PSG7: variants seen among roughly 807,000 people sequenced by gnomAD.
The protein encoded by PSG7 is pregnancy-specific beta-1-glycoprotein 7.
PSG7 carries 57 observed loss-of-function variants against 45.6 expected under a neutral mutation model. The observed-to-expected ratio is 1.25, with a 90% CI of 1.01 to 1.56. PSG7 has a LOEUF of 1.56. PSG7 is among the 40% of genes most tolerant of loss of function. The probability of loss-of-function intolerance (pLI) is 0.00; values close to 1 mark genes in which losing one functional copy is unlikely to be tolerated. For synonymous variants in PSG7, 298 were observed against 194.4 expected, an observed-to-expected ratio of 1.53 and a Z score of -4.43; for missense variants, 796 against 508.4, an observed-to-expected ratio of 1.57 and a Z score of -5.44.
intron 2 of PSG7, among the ~76,000 whole-genome samples, chr19:42,933,307 A>ATATATATATATTTTTTTT (rs56691588): frequency 1.5e-4 from 2 of 13,504 alleles, no homozygotes; most frequent in African/African-American, 1.7e-4. Flanking sequence ...ATATATATAT[A>ATATATATATATTTTTTTT]TTTTTTTTTT....
intron 2 of PSG7, among the ~76,000 whole-genome samples, chr19:42,934,653 C>T (rs1456692850): frequency 6.6e-6 from 1 of 151,712 alleles, no homozygotes; most frequent in Non-Finnish European, 1.5e-5. Context: ...TGAGAAAGCA[C>T]CTTTACGTCA....
chr19:42,924,745 C>G lies in PSG7; in HGVS notation c.*63G>C, dbSNP rs770143891. On this transcript the variant is annotated 3_prime_UTR_variant, in exon 6 of 6. Coordinates refer to ENST00000406070, the MANE Select transcript of PSG7 (RefSeq NM_002783.3). ...ACTCTGACTTATAGGGCTTCTGGAA[C>G]AGAGTGGGTCTTGCTCTTTGAGGTT... The G allele has an allele frequency of 5.2e-6, 4 of 767,800 alleles. No individual in the cohort carries two copies. Among genetic ancestry groups the G allele is most frequent in the Non-Finnish European group, 9.6e-6 (4 of 417,488 alleles). The allele number at this position is 767,800 out of a possible 1,614,324, so 47.6% of individuals were successfully genotyped here. A position where few individuals can be genotyped will look rare whatever the true frequency, so the allele number is the denominator to read the frequency against.
In PSG7 at chr19:42,931,654, C is replaced by T. The variant is rs1390246759; in HGVS notation, c.431-1934G>A. Among the ~76,000 whole-genome samples the T allele has an allele frequency of 1.3e-5, 2 of 151,298 alleles. 1 individual carries two copies. Among genetic ancestry groups the T allele is most frequent in the Non-Finnish European group, 2.9e-5 (2 of 67,856 alleles). On this transcript the variant is annotated intron_variant, in intron 2 of 5. Coordinates refer to ENST00000406070, the MANE Select transcript of PSG7 (RefSeq NM_002783.3). ...TGGCAATGGCTCGTGTGTCTCCCCA[C>T]ACGAAGAACTCCAACTTATGAAAAC...
intron 5 of PSG7, 101 bp downstream of exon 5, chr19:42,925,672 G>A (rs1600560763): frequency 6.3e-7 from 1 of 1,591,816 alleles, no homozygotes; most frequent in Non-Finnish European, 8.6e-7. Context: ...TTGTGCCCAT[G>A]GGACACAGGC....
At position 42,925,906 on chromosome 19, in the gene PSG7, C is replaced by T; in HGVS notation, c.1110G>A (p.Gly370=). 1 of 1,612,138 alleles carries T rather than the reference C, an allele frequency of 6.2e-7. No individual in the cohort carries two copies. The highest frequency in any genetic ancestry group is 8.5e-7 in the Non-Finnish European group (1 of 1,179,138). The change falls in exon 5 of 6, where the codon GGG becomes GGA. Residue 370 remains glycine (G), a synonymous_variant. Transcript: ENST00000406070. ...PPAQYSWTIN[G]KFQLSGQKLS... Reference sequence around the variant, plus strand: ...GCTTTTGTCCTGATAGCTGAAACTTCCCATTAATTGTCCAAGAATACTGTG... The same window carrying T: ...GCTTTTGTCCTGATAGCTGAAACTTTCCATTAATTGTCCAAGAATACTGTG...
At chr19:42,925,670 A>G (rs1394864866) in intron 5 of PSG7, 103 bp downstream of exon 5, 7 of 1,591,612 alleles carry the variant, frequency 4.4e-6, no homozygotes, top group Admixed American at 1.7e-5. Context: ...GCTTGTGCCC[A>G]TGGGACACAG....
intron 3 of PSG7, among the ~76,000 whole-genome samples, chr19:42,928,529 A>T (rs1443946151): frequency 6.6e-6 from 1 of 151,560 alleles, no homozygotes; most frequent in Non-Finnish European, 1.5e-5. Context: ...AAAATATTTT[A>T]TTCCTTTTGA....
At chr19:42,925,516 T>G in intron 5 of PSG7, 1 of 966,762 alleles carries the variant, frequency 1.0e-6, no homozygotes, top group Non-Finnish European at 1.5e-6. Context: ...AACATTATCC[T>G]CATTATTATC....
Position 42,935,721 on chromosome 19 carries a change from A to G in PSG7, c.113T>C (p.Ile38Thr), listed in dbSNP as rs376569971. 160 of 1,611,890 alleles carry G rather than the reference A, an allele frequency of 9.9e-5. 3 individuals carry two copies. Among genetic ancestry groups the G allele is most frequent in the Middle Eastern group, 8.3e-4 (5 of 6,054 alleles). ...WNPPTTAQVT[I>T]EAQPPKVSEG... is the part of the protein sequence containing the mutation. ...GGAAACTTTTGGTGGCTGGGCTTCA[A>G]TCGTGACTTGGGCTGTGGTGGGCGG... is the stretch of plus-strand genomic sequence containing the variant. Residue 38 changes from isoleucine (I) to threonine (T), a missense_variant, in exon 2 of 6, where the codon ATT becomes ACT. Ile to Thr is a moderately conservative substitution (Grantham distance 89). Coordinates refer to ENST00000406070, the MANE Select transcript of PSG7 (RefSeq NM_002783.3).
chr19:42,936,987 C>G, intron 1 of PSG7, 26 bp downstream of exon 1: 1 of 1,609,088 alleles, frequency 6.2e-7, no homozygotes, highest in Non-Finnish European at 8.5e-7. Context: ...CTTTTCCTGT[C>G]CTCTCCCAGG....
At position 42,935,785 on chromosome 19, in the gene PSG7, A is replaced by C; in HGVS notation, c.65-16T>G. 1 of 1,601,284 alleles carries C rather than the reference A, an allele frequency of 6.2e-7. No individual in the cohort carries two copies. The highest frequency in any genetic ancestry group is 1.1e-5 in the South Asian group (1 of 88,600). ...AAAAGTGATGCTAGGAGGTGGAGAG[A>C]GCATCAGTCAATATTGAGACCTATG... On this transcript the variant is annotated splice_polypyrimidine_tract_variant and intron_variant, in intron 1 of 5. Coordinates refer to ENST00000406070, the MANE Select transcript of PSG7 (RefSeq NM_002783.3).
In PSG7 at chr19:42,926,692, G is replaced by A. The variant is rs144994700; in HGVS notation, c.734C>T (p.Thr245Ile). ...LLPKLPKPYITINNLNPRENK... is the reference protein window; with the variant it reads ...LLPKLPKPYIIINNLNPRENK... ...CTCCCTGGGGTTTAAGTTATTGATG[G>A]TGATGTAGGGCTTGGGCAGCTTCGC... is the stretch of plus-strand genomic sequence containing the variant. Residue 245 changes from threonine (T) to isoleucine (I), a missense_variant, in exon 4 of 6, where the codon ACC becomes ATC. By Grantham distance (89) the Thr-to-Ile change is moderately conservative. Coordinates refer to ENST00000406070, the MANE Select transcript of PSG7 (RefSeq NM_002783.3). The A allele has an allele frequency of 7.4e-4, 1,193 of 1,610,380 alleles. 28 individuals carry two copies. The African/African-American group carries it at 0.014, about 19-fold the overall frequency.
intron 2 of PSG7, among the ~76,000 whole-genome samples, chr19:42,932,751 G>A (rs1413190393): frequency 6.6e-6 from 1 of 151,468 alleles, no homozygotes; most frequent in Admixed American, 6.6e-5. Flanking sequence ...CCCTTACTTT[G>A]CCCAGGGACT....
chr19:42,925,592 GC>G, intron 5 of PSG7, 180 bp downstream of exon 5: 1 of 1,406,702 alleles, frequency 7.1e-7, no homozygotes. Flanking sequence ...GAAGATATCA[GC>G]CTGTTTGTTA....
intron 3 of PSG7, chr19:42,927,058 G>C: frequency 2.7e-6 from 1 of 368,174 alleles, no homozygotes; most frequent in Non-Finnish European, 4.9e-6. Context: ...TCATTACCTG[G>C]AATGTGCAAC....
At position 42,926,507 on chromosome 19, in the gene PSG7, G is replaced by T. The variant is rs1229350211; in HGVS notation, c.919C>A (p.Pro307Thr). 1 of 1,611,278 alleles carries T rather than the reference G, an allele frequency of 6.2e-7. No individual in the cohort carries two copies. The highest frequency in any genetic ancestry group is 8.5e-7 in the Non-Finnish European group (1 of 1,179,002). Residue 307 changes from proline to threonine, a missense_variant, in exon 4 of 6, where the codon CCC (proline) becomes ACC (threonine). Coordinates refer to ENST00000406070, the MANE Select transcript of PSG7 (RefSeq NM_002783.3). ...CGGTCCCGTATTTCACATTGATAGG[G>T]TCCTGTTTCATTTCTCGTGACACTG... ...LPSVTRNETG[P>T]YQCEIRDRYG...
At position 42,935,744 on chromosome 19, in the gene PSG7, C is replaced by T. The variant is rs371012060; in HGVS notation, c.90G>A (p.Pro30=). The change falls in exon 2 of 6, where the codon CCG becomes CCA. Residue 30 remains proline (P), a synonymous_variant. Coordinates refer to ENST00000406070, the MANE Select transcript of PSG7 (RefSeq NM_002783.3). ...LTASLLNFWN[P]PTTAQVTIEA... The stretch of plus-strand genomic sequence containing the variant: ...CAATCGTGACTTGGGCTGTGGTGGG[C>T]GGGTTCCAGAAGTTTAAAAGTGATG... The T allele has an allele frequency of 1.2e-4, 191 of 1,610,868 alleles. 2 individuals carry two copies. Among genetic ancestry groups the T allele is most frequent in the African/African-American group, 7.1e-4 (53 of 74,396 alleles).
At chr19:42,935,055 G>T (rs1286161360) in intron 2 of PSG7, among the ~76,000 whole-genome samples, 1 of 151,572 alleles carries the variant, frequency 6.6e-6, no homozygotes, top group South Asian at 2.1e-4. Context: ...GAGGGTCTCA[G>T]GGGGCCCCTC....
chr19:42,926,699 A>G lies in PSG7; in HGVS notation c.727T>C (p.Tyr243His). The stretch of plus-strand genomic sequence containing the variant: ...GGGTTTAAGTTATTGATGGTGATGT[A>G]GGGCTTGGGCAGCTTCGCTGTGTGA... ...LNLLPKLPKP[Y>H]ITINNLNPRE... is the part of the protein sequence containing the mutation. Residue 243 changes from tyrosine (Y) to histidine (H), a missense_variant, in exon 4 of 6, where the codon TAC (tyrosine) becomes CAC (histidine). By Grantham distance (83) the Tyr-to-His change is moderately conservative (BLOSUM62 2). Transcript: ENST00000406070. 1.2e-6 allele frequency: 2 copies of G among 1,610,432 alleles called. No homozygotes were observed. Among genetic ancestry groups the G allele is most frequent in the Non-Finnish European group, 8.5e-7 (1 of 1,179,016 alleles).
Sources: allele counts gnomAD v4.1 joint callset (sites outside exome capture counted in the v4.1 genomes callset), GRCh38; gene constraint gnomAD v4.1.1; transcripts MANE v1.5; gene names NCBI Gene and HGNC (gene_info 2026-07-23, HGNC 2026-07-21).